The following KCTD1 variants were observed in gnomAD, a reference collection of about 807,000 sequenced individuals.
KCTD1 encodes the protein BTB/POZ domain-containing protein KCTD1.
In KCTD1, 24 loss-of-function variants were observed where a neutral mutation model predicts 66.0. The observed-to-expected ratio is 0.36, with a 90% CI of 0.26 to 0.51. The LOEUF (loss-of-function observed/expected upper bound fraction) is 0.51, where lower values mean the gene tolerates loss of function less well. Ranked by LOEUF, KCTD1 falls within the 20% of genes least tolerant of loss-of-function variation. KCTD1 has a pLI of 0.95. For missense variants in KCTD1, 943 were observed against 1,205.2 expected (o/e 0.78, Z 3.22); for synonymous variants, 511 against 517.2 (o/e 0.99, Z 0.16).
chr18:26,549,279 C>G (rs1026329580), upstream of KCTD1: 22 of 985,390 alleles, frequency 2.2e-5, no homozygotes, highest in Admixed American at 3.7e-4. Context: ...TGGGGCCAGC[C>G]GCGCGGCTCC....
chr18:26,548,482 T>C lies in KCTD1; in HGVS notation c.55A>G (p.Ser19Gly), dbSNP rs1239762396. 5 of 1,230,258 alleles carry C rather than the reference T, an allele frequency of 4.1e-6. No individual in the cohort carries two copies. The South Asian group carries it at 1.2e-4, about 28-fold the overall frequency. The allele number at this position is 1,230,258 out of a possible 1,614,324, so 76.2% of individuals were successfully genotyped here. A position where few individuals can be genotyped will look rare whatever the true frequency, so the allele number is the denominator to read the frequency against. ...DCNTSAGGSASAAAAAAENNG... is the reference protein window; with the variant it reads ...DCNTSAGGSAGAAAAAAENNG... ...TTCTCGGCGGCGGCGGCGGCAGCGCTGGCGCTGCCGCCCGCGCTGGTGTTA... is the reference window on the plus strand; with the variant it reads ...TTCTCGGCGGCGGCGGCGGCAGCGCCGGCGCTGCCGCCCGCGCTGGTGTTA... Residue 19 changes from serine to glycine, a missense_variant, in exon 1 of 5, where the codon AGC becomes GGC. By Grantham distance (56) the Ser-to-Gly change is moderately conservative (BLOSUM62 0). Coordinates refer to ENST00000580059, the MANE Select transcript of KCTD1 (RefSeq NM_001142730.3).
At chr18:26,579,984 T>C (rs1986316214) in intron 1 of KCTD1, among the ~76,000 whole-genome samples, 1 of 152,192 alleles carries the variant, frequency 6.6e-6, no homozygotes, top group Admixed American at 6.5e-5. Context: ...TGGCCAATGG[T>C]AACATAGCCC....
chr18:26,524,934 C>A (rs907993849), intron 1 of KCTD1, among the ~76,000 whole-genome samples: 1 of 152,094 alleles, frequency 6.6e-6, no homozygotes, highest in Non-Finnish European at 1.5e-5. Flanking sequence ...TTACAAAATG[C>A]CTTGATCTCA....
chr18:26,655,783 C>T (rs1598987436), intron 1 of KCTD1: 1 of 152,282 alleles, frequency 6.6e-6, no homozygotes, highest in East Asian at 1.9e-4. Flanking sequence ...TGTCTACCCG[C>T]GACAGTTCGC....
At chr18:26,491,528 C>G (rs145131719) in intron 2 of KCTD1, among the ~76,000 whole-genome samples, 1 of 152,200 alleles carries the variant, frequency 6.6e-6, no homozygotes, top group African/African-American at 2.4e-5. Flanking sequence ...GAAACCCACA[C>G]GCAAATAAGA....
In KCTD1 at chr18:26,532,632, A is replaced by ATG. The variant is rs1433657374; in HGVS notation, c.1809+14094_1809+14095dup. 2.0e-5 allele frequency among the ~76,000 whole-genome samples: 3 copies of ATG among 152,152 alleles called. No homozygotes were observed. The East Asian group carries it at 5.8e-4, about 29-fold the overall frequency. On this transcript the variant is annotated intron_variant, in intron 1 of 4. Transcript: ENST00000580059. ...CTGGGCCGCCATCTCCTCACCTGTG[A>ATG]TGTCTGCCCTACCTAACAACAGGTT...
intron 1 of KCTD1, among the ~76,000 whole-genome samples, chr18:26,501,706 C>T (rs1289599833): frequency 6.6e-6 from 1 of 152,204 alleles, no homozygotes; most frequent in Non-Finnish European, 1.5e-5. Context: ...ACCTCTGACA[C>T]CTGTGTTCTA....
intron 1 of KCTD1, among the ~76,000 whole-genome samples, chr18:26,569,695 T>A (rs1045847043): frequency 6.6e-6 from 1 of 152,100 alleles, no homozygotes; most frequent in African/African-American, 2.4e-5. Context: ...AACAGATAAT[T>A]CCCAGCTCAC....
At chr18:26,535,220 A>G (rs1372596852) in intron 1 of KCTD1, among the ~76,000 whole-genome samples, 1 of 152,030 alleles carries the variant, frequency 6.6e-6, no homozygotes, top group African/African-American at 2.4e-5. Flanking sequence ...AGTCATTTTT[A>G]TTGGTTCTTT....
upstream of KCTD1, chr18:26,548,811 A>G: frequency 9.2e-7 from 1 of 1,086,250 alleles, no homozygotes; most frequent in South Asian, 4.5e-5. Flanking sequence ...CCCGGCTCCC[A>G]CTTCTAAGAA....
intron 1 of KCTD1, among the ~76,000 whole-genome samples, chr18:26,625,548 T>C (rs1284807946): frequency 1.3e-5 from 2 of 152,172 alleles, no homozygotes; most frequent in Non-Finnish European, 2.9e-5. Context: ...TCCACCATGA[T>C]TGTAAGTTTC....
chr18:26,612,056 G>GGGCACTATCCT (rs1227569617), intron 1 of KCTD1, among the ~76,000 whole-genome samples: 1 of 152,156 alleles, frequency 6.6e-6, no homozygotes, highest in Non-Finnish European at 1.5e-5. Context: ...TCCTTGCCCT[G>GGGCACTATCCT]TGTGAGCACT....
At chr18:26,546,376 C>A (rs574312019) in intron 1 of KCTD1, among the ~76,000 whole-genome samples, 36 of 152,314 alleles carry the variant, frequency 2.4e-4, no homozygotes, top group Non-Finnish European at 3.2e-4. Context: ...GTAACTGCTT[C>A]CTTTACATTT....
upstream of KCTD1, among the ~76,000 whole-genome samples, chr18:26,643,698 C>G (rs1043237083): frequency 2.6e-5 from 4 of 152,240 alleles, no homozygotes; most frequent in African/African-American, 7.2e-5. Context: ...TGCGGTGGCT[C>G]ACGCCTGTAA....
At chr18:26,573,165 C>T (rs923938131) in intron 1 of KCTD1, among the ~76,000 whole-genome samples, 2 of 152,020 alleles carry the variant, frequency 1.3e-5, no homozygotes, top group African/African-American at 2.4e-5. Flanking sequence ...CTAGTTTCAC[C>T]TATAACCTCA....
chr18:26,570,599 C>A (rs1244423434), intron 1 of KCTD1, among the ~76,000 whole-genome samples: 1 of 151,950 alleles, frequency 6.6e-6, no homozygotes, highest in African/African-American at 2.4e-5. Flanking sequence ...TTTGTAGAGA[C>A]GAGGTTTCAC....
chr18:26,563,017 TG>T (rs1289731599), intron 1 of KCTD1, among the ~76,000 whole-genome samples: 1 of 152,210 alleles, frequency 6.6e-6, no homozygotes. Context: ...CTGCTCCTCC[TG>T]CTTTATTTCC....
upstream of KCTD1, among the ~76,000 whole-genome samples, chr18:26,644,543 G>A (rs1404806540): frequency 6.6e-6 from 1 of 152,042 alleles, no homozygotes; most frequent in Admixed American, 6.5e-5. Flanking sequence ...CAGATCACCT[G>A]AGGTCTGAAG....
intron 1 of KCTD1, among the ~76,000 whole-genome samples, chr18:26,532,261 C>CTTTCTTTTTTTTTTTTTTTTTTTTT (rs1394278500): frequency 2.4e-4 from 7 of 29,562 alleles, no homozygotes; most frequent in African/African-American, 4.5e-4. Flanking sequence ...TTCTTTCCTT[C>CTTTCTTTTTTTTTTTTTTTTTTTTT]TTTTTTTTTT....
Sources: gnomAD v4.1 joint callset for allele counts (sites outside exome capture counted in the v4.1 genomes callset) on GRCh38, gnomAD v4.1.1 for gene constraint, MANE v1.5 for transcripts, NCBI Gene and HGNC (gene_info 2026-07-23, HGNC 2026-07-21) for gene names.